BCL11A: variants seen among roughly 807,000 people sequenced by gnomAD.
BCL11A encodes the protein BCL11 transcription factor A, also known as B cell CLL/lymphoma 11A.
A neutral mutation model predicts 55.9 loss-of-function variants in BCL11A; 2 were observed. The ratio of observed to expected loss-of-function variants is 0.04; its 90% CI spans 0.01 to 0.11. The LOEUF is 0.11. BCL11A is among the 10% of genes least tolerant of loss of function. The probability of loss-of-function intolerance (pLI) is 1.00; values close to 1 mark genes in which losing one functional copy is unlikely to be tolerated. For synonymous variants in BCL11A, 465 were observed against 473.4 expected (o/e 0.98, Z 0.23); for missense variants, 817 against 1,137.1 (o/e 0.72, Z 4.05).
chr2:60,518,418 C>T (rs1163594933), intron 2 of BCL11A, among the ~76,000 whole-genome samples: 1 of 152,180 alleles, frequency 6.6e-6, no homozygotes, highest in African/African-American at 2.4e-5. Flanking sequence ...TTTAAAATGT[C>T]TGCGATAGAG....
intron 1 of BCL11A, among the ~76,000 whole-genome samples, chr2:60,549,074 A>G (rs902815614): frequency 1.5e-4 from 23 of 152,170 alleles, no homozygotes; most frequent in Admixed American, 1.4e-3. Flanking sequence ...GGAGTCCTCG[A>G]TTGAAGTGGA....
chr2:60,550,712 A>G (rs1282627133), intron 1 of BCL11A, among the ~76,000 whole-genome samples: 1 of 152,192 alleles, frequency 6.6e-6, no homozygotes, highest in Non-Finnish European at 1.5e-5. Flanking sequence ...CTCCCAGCCT[A>G]GAGTGTCCCA....
At position 60,457,404 on chromosome 2, in the gene BCL11A, A is replaced by G; in HGVS notation, c.*3000T>C. ...AAAAACAAAGAAAAATAAAAGATCA[A>G]ATTAAGTGCCTCTGTTTTGAACAGG... On this transcript the variant is annotated 3_prime_UTR_variant, in exon 4 of 4. Coordinates refer to ENST00000642384, the MANE Select transcript of BCL11A (RefSeq NM_022893.4). The G allele has an allele frequency of 9.7e-7, 1 of 1,029,496 alleles. No individual in the cohort carries two copies. The highest frequency in any genetic ancestry group is 1.2e-6 in the Non-Finnish European group (1 of 854,262). 63.8% of individuals were successfully genotyped at this position (1,029,496 alleles called of 1,614,324 possible).
chr2:60,501,129 G>C (rs923220414), intron 2 of BCL11A, among the ~76,000 whole-genome samples: 12 of 152,172 alleles, frequency 7.9e-5, no homozygotes, highest in African/African-American at 2.2e-4. Context: ...CCTGTTTCTG[G>C]AAAGTTGTTG....
intron 2 of BCL11A, among the ~76,000 whole-genome samples, chr2:60,501,360 G>A (rs1312853711): frequency 6.6e-6 from 1 of 152,120 alleles, no homozygotes; most frequent in Non-Finnish European, 1.5e-5. Context: ...GTCACAGGAA[G>A]CCATGGTCCT....
intron 2 of BCL11A, among the ~76,000 whole-genome samples, chr2:60,521,093 A>T (rs201153682): frequency 0.02 from 1,590 of 81,262 alleles, 14 homozygotes; most frequent in East Asian, 0.059. Context: ...ACACACACAC[A>T]CACACACTCA....
At chr2:60,551,920 C>A (rs1486296333) in intron 1 of BCL11A, among the ~76,000 whole-genome samples, 2 of 152,024 alleles carry the variant, frequency 1.3e-5, no homozygotes, top group Non-Finnish European at 2.9e-5. Flanking sequence ...TGGCAGGAGG[C>A]TCCCGCACAC....
intron 2 of BCL11A, among the ~76,000 whole-genome samples, chr2:60,491,246 C>T (rs533654943): frequency 1.3e-5 from 2 of 152,324 alleles, no homozygotes; most frequent in South Asian, 4.1e-4. Flanking sequence ...GTTCTAAAAA[C>T]GTATTCTTAA....
At position 60,553,454 on chromosome 2, in the gene BCL11A, G is replaced by T; in HGVS notation, c.-184C>A. The T allele has an allele frequency of 4.6e-6, 1 of 217,792 alleles. No homozygotes were observed. Among genetic ancestry groups the T allele is most frequent in the South Asian group, 4.0e-5 (1 of 25,266 alleles). 13.5% of individuals were successfully genotyped at this position (217,792 alleles called of 1,614,324 possible). A position where few individuals can be genotyped will look rare whatever the true frequency, so the allele number is the denominator to read the frequency against. On this transcript the variant is annotated 5_prime_UTR_variant, in exon 1 of 4. Transcript: ENST00000642384. ...AGATGGCGCAGGGAAGATGAATTGT[G>T]GGAGAGCCGTCATGGCTTTTTTTTA...
At chr2:60,510,824 C>A (rs896983692) in intron 2 of BCL11A, among the ~76,000 whole-genome samples, 1 of 152,174 alleles carries the variant, frequency 6.6e-6, no homozygotes, top group Non-Finnish European at 1.5e-5. Flanking sequence ...TGGGTTTGAG[C>A]CAGATTCCAT....
At chr2:60,472,805 T>C (rs1012819388) in intron 2 of BCL11A, among the ~76,000 whole-genome samples, 1 of 152,254 alleles carries the variant, frequency 6.6e-6, no homozygotes, top group African/African-American at 2.4e-5. Context: ...TACAGCCACA[T>C]TACTGTCTAC....
chr2:60,537,478 G>C (rs1669722854), intron 2 of BCL11A: 1 of 152,236 alleles, frequency 6.6e-6, no homozygotes, highest in Non-Finnish European at 1.5e-5. Flanking sequence ...CCTTGAGTTG[G>C]TGAAGGAGAA....
At chr2:60,467,302 G>A (rs1415950132) in intron 3 of BCL11A, among the ~76,000 whole-genome samples, 3 of 97,882 alleles carry the variant, frequency 3.1e-5, no homozygotes, top group Non-Finnish European at 6.1e-5. Context: ...TGGTGGTAAT[G>A]GTGGTGGTGG....
At chr2:60,539,013 A>G (rs1463161234) in intron 2 of BCL11A, among the ~76,000 whole-genome samples, 1 of 152,134 alleles carries the variant, frequency 6.6e-6, no homozygotes, top group East Asian at 1.9e-4. Flanking sequence ...TGGGGAGACA[A>G]CTCCAAGAGA....
intron 3 of BCL11A, among the ~76,000 whole-genome samples, chr2:60,465,467 T>G (rs1031355174): frequency 1.3e-5 from 2 of 152,200 alleles, no homozygotes. Context: ...TCAAAAGGGT[T>G]AAAATCAGCT....
intron 2 of BCL11A, among the ~76,000 whole-genome samples, chr2:60,507,649 C>G (rs74543787): frequency 0.026 from 3,944 of 152,218 alleles, 174 homozygotes; most frequent in African/African-American, 0.088. Context: ...CGCACCTGAG[C>G]TGAGCTTGCT....
At position 60,460,023 on chromosome 2, in the gene BCL11A, A is replaced by G; in HGVS notation, c.*381T>C. 9.3e-7 allele frequency: 1 copy of G among 1,078,100 alleles called. No homozygotes were observed. The highest frequency in any genetic ancestry group is 1.6e-5 in the African/African-American group (1 of 61,478). The allele number at this position is 1,078,100 out of a possible 1,614,324, so 66.8% of individuals were successfully genotyped here. On this transcript the variant is annotated 3_prime_UTR_variant, in exon 4 of 4. Transcript: ENST00000642384. ...GAATTAGGGACAATTTAAAATAGCCATAACATACCATACATGCTGTCTAAG... is the reference window on the plus strand; with the variant it reads ...GAATTAGGGACAATTTAAAATAGCCGTAACATACCATACATGCTGTCTAAG...
intron 2 of BCL11A, among the ~76,000 whole-genome samples, chr2:60,505,386 G>A (rs772157154): frequency 1.3e-5 from 2 of 152,236 alleles, no homozygotes; most frequent in Non-Finnish European, 2.9e-5. Context: ...GGACTTGTAG[G>A]TGAAATGTGT....
At chr2:60,506,023 G>C (rs1048883589) in intron 2 of BCL11A, among the ~76,000 whole-genome samples, 1 of 152,196 alleles carries the variant, frequency 6.6e-6, no homozygotes, top group Non-Finnish European at 1.5e-5. Flanking sequence ...ACCACACTAG[G>C]CTTTGCAGCC....
Sources: allele counts gnomAD v4.1 joint callset (sites outside exome capture counted in the v4.1 genomes callset), GRCh38; gene constraint gnomAD v4.1.1; transcripts MANE v1.5; gene names NCBI Gene and HGNC (gene_info 2026-07-23, HGNC 2026-07-21).